The following CREBBP variants were observed in gnomAD, a reference collection of about 807,000 sequenced individuals.
CREBBP encodes the protein CREB binding lysine acetyltransferase, also known as CREB-binding protein.
A neutral mutation model predicts 265.0 loss-of-function variants in CREBBP; 19 were observed. That is an observed-to-expected ratio of 0.07 (90% CI 0.05 to 0.11). The LOEUF (loss-of-function observed/expected upper bound fraction) is 0.11. CREBBP is among the 10% of genes least tolerant of loss of function. The pLI, the probability that CREBBP is intolerant of heterozygous loss-of-function variation, is 1.00. For missense variants in CREBBP, 2,525 were observed against 3,219.0 expected (o/e 0.78, Z 5.22); for synonymous variants, 1,457 against 1,223.7 (o/e 1.19, Z -3.98).
intron 3 of CREBBP, among the ~76,000 whole-genome samples, chr16:3,797,706 G>A (rs2053635474): frequency 1.3e-5 from 2 of 151,724 alleles, no homozygotes; most frequent in Admixed American, 1.3e-4. Flanking sequence ...GAGGACGATT[G>A]TCTCCTAAAG....
chr16:3,764,378 G>A (rs1251025591), intron 16 of CREBBP, among the ~76,000 whole-genome samples: 1 of 152,118 alleles, frequency 6.6e-6, no homozygotes, highest in Middle Eastern at 3.2e-3. Context: ...CTGGGCTCAA[G>A]CAATCTTCCC....
At chr16:3,776,196 G>C (rs1283274530) in intron 11 of CREBBP, among the ~76,000 whole-genome samples, 1 of 152,066 alleles carries the variant, frequency 6.6e-6, no homozygotes, top group Non-Finnish European at 1.5e-5. Context: ...GGGATTACAG[G>C]TGTGAGCCAC....
At chr16:3,790,680 T>G (rs936145491) in intron 5 of CREBBP, among the ~76,000 whole-genome samples, 1 of 152,160 alleles carries the variant, frequency 6.6e-6, no homozygotes, top group African/African-American at 2.4e-5. Context: ...AAACTCGTTG[T>G]GGTTCTTCTG....
intron 2 of CREBBP, among the ~76,000 whole-genome samples, chr16:3,836,036 C>T (rs984097283): frequency 2.0e-5 from 3 of 152,058 alleles, no homozygotes; most frequent in African/African-American, 7.3e-5. Flanking sequence ...TCTCAGAAAA[C>T]AAGTTGTGAG....
At chr16:3,754,149 G>C (rs763273265) in intron 19 of CREBBP, among the ~76,000 whole-genome samples, 1 of 152,170 alleles carries the variant, frequency 6.6e-6, no homozygotes, top group African/African-American at 2.4e-5. Flanking sequence ...CAGACTCCTT[G>C]TCTGCCTCAA....
intron 1 of CREBBP, among the ~76,000 whole-genome samples, chr16:3,857,500 C>G (rs2054987674): frequency 6.6e-6 from 1 of 152,174 alleles, no homozygotes; most frequent in Admixed American, 6.5e-5. Context: ...AGGAGGCAGG[C>G]CAGGATATTG....
chr16:3,798,061 G>C (rs1387901845), intron 3 of CREBBP, among the ~76,000 whole-genome samples: 2 of 152,196 alleles, frequency 1.3e-5, no homozygotes, highest in Non-Finnish European at 2.9e-5. Flanking sequence ...TTGGTGCTGA[G>C]GCAACACAAG....
intron 28 of CREBBP, among the ~76,000 whole-genome samples, chr16:3,732,440 C>A (rs1416658781): frequency 6.6e-6 from 1 of 152,222 alleles, no homozygotes; most frequent in East Asian, 1.9e-4. Context: ...GGAGAGCAGG[C>A]TGGCTCCCTG....
chr16:3,853,652 A>G (rs1011382919), intron 1 of CREBBP, among the ~76,000 whole-genome samples: 2 of 142,608 alleles, frequency 1.4e-5, no homozygotes, highest in African/African-American at 5.3e-5. Flanking sequence ...AACACCATAC[A>G]TCGGCCAGGC....
At chr16:3,781,017 T>A in intron 7 of CREBBP, 139 bp from the exon 8 acceptor site, 1 of 1,149,302 alleles carries the variant, frequency 8.7e-7, no homozygotes, top group Non-Finnish European at 1.3e-6. Context: ...AAATAAAACT[T>A]AAACTATGTT....
At chr16:3,732,843 G>A (rs1244009975) in intron 28 of CREBBP, among the ~76,000 whole-genome samples, 1 of 152,004 alleles carries the variant, frequency 6.6e-6, no homozygotes, top group East Asian at 2.0e-4. Context: ...TGAGATTATA[G>A]GTGCTGCCAC....
chr16:3,728,905 C>A lies in CREBBP; in HGVS notation c.6142G>T (p.Val2048Leu). 6.2e-7 allele frequency: 1 copy of A among 1,607,970 alleles called. No individual in the cohort carries two copies. The change falls in exon 31 of 31, where the codon GTG becomes TTG. Residue 2048 changes from valine (V) to leucine (L), a missense_variant. Coordinates refer to ENST00000262367, the MANE Select transcript of CREBBP (RefSeq NM_004380.3). The surrounding 1 kb of genome is among the most constrained non-coding windows in gnomAD (Gnocchi z 8.7). ...PVISMQAQAAVAGPRMPSVQP... is the reference protein window; with the variant it reads ...PVISMQAQAALAGPRMPSVQP... ...ACGCTGGGCATCCGGGGCCCAGCCA[C>A]GGCCGCCTGGGCCTGCATGGATATC...
At chr16:3,780,535 T>C (rs372812504) in intron 8 of CREBBP, among the ~76,000 whole-genome samples, 197 bp downstream of exon 8, 1 of 152,264 alleles carries the variant, frequency 6.6e-6, no homozygotes, top group East Asian at 1.9e-4. Flanking sequence ...GCTCTCTTTG[T>C]CACCCCCGCT....
At chr16:3,777,785 G>C in intron 10 of CREBBP, 128 bp from the exon 11 acceptor site, 1 of 1,184,388 alleles carries the variant, frequency 8.4e-7, no homozygotes, top group South Asian at 1.3e-5. Flanking sequence ...AGGTCCAAAA[G>C]CACGTGTGTT....
chr16:3,869,933 G>T (rs145385916), intron 1 of CREBBP, among the ~76,000 whole-genome samples: 2 of 152,204 alleles, frequency 1.3e-5, no homozygotes, highest in African/African-American at 4.8e-5. Flanking sequence ...CTCAACAGAA[G>T]TTCAACTACG....
At chr16:3,863,975 G>A (rs1318920674) in intron 1 of CREBBP, among the ~76,000 whole-genome samples, 1 of 152,206 alleles carries the variant, frequency 6.6e-6, no homozygotes, top group Admixed American at 6.5e-5. Flanking sequence ...CCCCGGAGAG[G>A]TGCTACAGTC....
chr16:3,806,666 C>A (rs576466903), intron 3 of CREBBP, among the ~76,000 whole-genome samples: 1 of 152,224 alleles, frequency 6.6e-6, no homozygotes, highest in South Asian at 2.1e-4. Context: ...GGTTCCACTT[C>A]CAGAAGGATC....
Position 3,769,213 on chromosome 16 carries a change from C to T in CREBBP, c.3021G>A (p.Glu1007=), listed in dbSNP as rs774653315. 1.9e-6 allele frequency: 3 copies of T among 1,614,158 alleles called. No homozygotes were observed. The highest frequency in any genetic ancestry group is 1.1e-5 in the South Asian group (1 of 91,070). Residue 1007 remains glutamate, a synonymous_variant, in exon 15 of 31, where the codon GAG becomes GAA. Coordinates refer to ENST00000262367, the MANE Select transcript of CREBBP (RefSeq NM_004380.3). ...CCCCTTTGGATTCACCAGGATCGGG[C>T]TCAGTGTCCTCTGCTTGGGTCTCCG... The part of the protein sequence containing the change: ...MKTETQAEDT[E]PDPGESKGEP...
At position 3,729,114 on chromosome 16, in the gene CREBBP, T is replaced by A. The variant is rs112906840; in HGVS notation, c.5933A>T (p.Asn1978Ile). The change falls in exon 31 of 31, where the codon AAC becomes ATC. Residue 1978 changes from asparagine to isoleucine, a missense_variant. Transcript: ENST00000262367. ...CGTGCGTCCTGGGGGCATGCTGTTG[T>A]TGATGTTCACCCGGTACAGGTGCTG... is the stretch of plus-strand genomic sequence containing the variant. Reference protein sequence around the residue: ...QQQHLYRVNINNSMPPGRTGM... With the variant: ...QQQHLYRVNIINSMPPGRTGM... The A allele has an allele frequency of 6.3e-7, 1 of 1,581,470 alleles. No individual in the cohort carries two copies. Among genetic ancestry groups the A allele is most frequent in the South Asian group, 1.1e-5 (1 of 88,214 alleles).
Sources: allele counts gnomAD v4.1 joint callset (sites outside exome capture counted in the v4.1 genomes callset), GRCh38; gene constraint gnomAD v4.1.1; non-coding constraint Gnocchi (gnomAD v3.1); transcripts MANE v1.5; gene names NCBI Gene and HGNC (gene_info 2026-07-23, HGNC 2026-07-21).